Variants in PCDHA5 observed in about 807,000 individuals in gnomAD.
PCDHA5 encodes the protein protocadherin alpha 5.
PCDHA5 carries 43 observed loss-of-function variants against 61.6 expected under a neutral mutation model. The ratio of observed to expected loss-of-function variants is 0.70; its 90% CI spans 0.55 to 0.90. The LOEUF (loss-of-function observed/expected upper bound fraction) is 0.90. Among genes scored for constraint, PCDHA5 ranks in the 40% least tolerant of loss-of-function variants. The pLI is 0.00. For synonymous variants in PCDHA5, 627 were observed against 543.9 expected, an observed-to-expected ratio of 1.15 and a Z score of -2.13; for missense variants, 1,298 against 1,222.7, an observed-to-expected ratio of 1.06 and a Z score of -0.92.
chr5:140,986,545 G>T (rs1554248133), intron 3 of PCDHA5, among the ~76,000 whole-genome samples: 1 of 152,172 alleles, frequency 6.6e-6, no homozygotes, highest in East Asian at 1.9e-4. Context: ...GCTTCAGTGG[G>T]CCAGGCTGCT....
At chr5:140,825,764 T>C (rs1329877906) in intron 1 of PCDHA5, 5 of 152,510 alleles carry the variant, frequency 3.3e-5, no homozygotes, top group African/African-American at 4.8e-5. Flanking sequence ...ATCTCCTCAG[T>C]TGTGCAAATT....
At chr5:140,824,609 A>ATTTTTT (rs1554129932) in intron 1 of PCDHA5, 2 of 76,944 alleles carry the variant, frequency 2.6e-5, no homozygotes, top group Admixed American at 1.4e-4. Context: ...TGCTAATTAA[A>ATTTTTT]GTTTTTTTTT....
At chr5:140,999,454 A>G (rs1467435215) in intron 3 of PCDHA5, among the ~76,000 whole-genome samples, 1 of 152,206 alleles carries the variant, frequency 6.6e-6, no homozygotes, top group African/African-American at 2.4e-5. Context: ...CGTTCAACGA[A>G]TAAGTGGTGA....
In PCDHA5 at chr5:141,009,914, A is replaced by T; in HGVS notation, c.2788A>T (p.Thr930Ser). The change falls in exon 4 of 4, where the codon ACG (threonine) becomes TCG (serine). Residue 930 changes from threonine (T) to serine (S), a missense_variant. Thr to Ser is a moderately conservative substitution (Grantham distance 58). Coordinates refer to ENST00000529859, the MANE Select transcript of PCDHA5 (RefSeq NM_018908.3). ...GGAGAAAAAAGAGAAAGGGAACAGCACGACTGACAACAGTGACCAGTGAGG... is the reference window on the plus strand; with the variant it reads ...GGAGAAAAAAGAGAAAGGGAACAGCTCGACTGACAACAGTGACCAGTGAGG... ...TQEKKEKGNSTTDNSDQ is the reference protein window; with the variant it reads ...TQEKKEKGNSSTDNSDQ The T allele has an allele frequency of 6.2e-7, 1 of 1,611,466 alleles. No homozygotes were observed. The highest frequency in any genetic ancestry group is 8.5e-7 in the Non-Finnish European group (1 of 1,179,328).
rs73793533 is a variant in PCDHA5 at position 140,949,932 on chromosome 5, T to A, written c.2353-29017T>A. On this transcript the variant is annotated intron_variant, in intron 1 of 3. Transcript: ENST00000529859. Reference sequence around the variant, plus strand: ...GATATAACTATTTTTAGATTTTTTTTAATTTGCATTTTTTAGTGGTTGCTG... The same window carrying A: ...GATATAACTATTTTTAGATTTTTTTAAATTTGCATTTTTTAGTGGTTGCTG... Among the ~76,000 whole-genome samples, 1,356 of 151,758 alleles carry A rather than the reference T, an allele frequency of 8.9e-3. 15 individuals carry two copies. The highest frequency in any genetic ancestry group is 0.032 in the African/African-American group (1,309 of 41,514).
At chr5:140,985,020 C>G (rs1361661147) in intron 3 of PCDHA5, among the ~76,000 whole-genome samples, 1 of 152,110 alleles carries the variant, frequency 6.6e-6, no homozygotes, top group Non-Finnish European at 1.5e-5. Flanking sequence ...TCACAGCAAC[C>G]TCTGCCTCCT....
intron 1 of PCDHA5, among the ~76,000 whole-genome samples, chr5:140,840,023 C>T (rs1776518555): frequency 6.6e-6 from 1 of 151,996 alleles, no homozygotes; most frequent in African/African-American, 2.4e-5. Flanking sequence ...CTCATGGTCA[C>T]GTAGCGTATC....
chr5:140,995,180 A>C (rs1014057978), intron 3 of PCDHA5, among the ~76,000 whole-genome samples: 4 of 152,190 alleles, frequency 2.6e-5, no homozygotes, highest in African/African-American at 9.7e-5. Context: ...AGGTGCACCT[A>C]TGATAAAGTT....
intron 1 of PCDHA5, chr5:140,849,034 T>A: frequency 6.3e-7 from 1 of 1,579,556 alleles, no homozygotes; most frequent in Non-Finnish European, 8.6e-7. Context: ...TATTTCTTCC[T>A]GGACGTGCCA....
intron 1 of PCDHA5, among the ~76,000 whole-genome samples, chr5:140,964,119 TAAC>T (rs146855097): frequency 0.014 from 2,059 of 152,320 alleles, 49 homozygotes; most frequent in African/African-American, 0.047. Context: ...AATCACATTC[TAAC>T]AACTAGTAAG....
chr5:141,001,164 A>T (rs2097995699), intron 3 of PCDHA5, among the ~76,000 whole-genome samples: 1 of 152,102 alleles, frequency 6.6e-6, no homozygotes, highest in East Asian at 1.9e-4. Context: ...AATAAGTAAA[A>T]TTTAACGAGT....
intron 1 of PCDHA5, chr5:140,875,985 G>C (rs1351463699): frequency 1.8e-5 from 29 of 1,613,832 alleles, no homozygotes; most frequent in Non-Finnish European, 2.3e-5. Context: ...TGACCTATGC[G>C]TTAAGTCTAA....
chr5:140,892,384 A>T (rs1313796499), intron 1 of PCDHA5, among the ~76,000 whole-genome samples: 1 of 152,162 alleles, frequency 6.6e-6, no homozygotes, highest in Non-Finnish European at 1.5e-5. Flanking sequence ...AATCATGGGT[A>T]ATCTTAATCT....
chr5:140,853,247 C>G (rs985398812), intron 1 of PCDHA5: 3 of 975,930 alleles, frequency 3.1e-6, no homozygotes, highest in African/African-American at 3.5e-5. Context: ...ATATTAATCT[C>G]TATTCTCTCT....
At chr5:141,009,312 A>G (rs1355833857) in intron 3 of PCDHA5, among the ~76,000 whole-genome samples, 1 of 152,160 alleles carries the variant, frequency 6.6e-6, no homozygotes, top group Non-Finnish European at 1.5e-5. Context: ...TTAAAAAGCT[A>G]GCCTGGCATG....
In PCDHA5 at chr5:140,967,673, C is replaced by T. The variant is rs1563368144; in HGVS notation, c.2353-11276C>T. On this transcript the variant is annotated intron_variant, in intron 1 of 3. Transcript: ENST00000529859. ...CTCCTTGAGCAGCTACACGTCGGAC[C>T]GGGAGAGGCAGCTCTTCAGCATAGA... The T allele has an allele frequency of 2.5e-6, 4 of 1,614,130 alleles. No homozygotes were observed. In the East Asian group the frequency reaches 6.7e-5, roughly 27 times the overall value.
chr5:140,988,423 T>G (rs2097297373), intron 3 of PCDHA5, among the ~76,000 whole-genome samples: 2 of 152,176 alleles, frequency 1.3e-5, no homozygotes. Context: ...GTAAAGAATT[T>G]GTTTGTTTTG....
At chr5:140,848,649 C>T in intron 1 of PCDHA5, 3 of 1,593,016 alleles carry the variant, frequency 1.9e-6, no homozygotes, top group Admixed American at 1.7e-5. Context: ...CGCGCAGGAC[C>T]TGGGGCTGGA....
At chr5:140,828,665 A>T in intron 1 of PCDHA5, 1 of 1,614,220 alleles carries the variant, frequency 6.2e-7, no homozygotes, top group East Asian at 2.2e-5. Flanking sequence ...CAATAAACAA[A>T]TTGGGCTCTT....
Sources: allele counts gnomAD v4.1 joint callset (sites outside exome capture counted in the v4.1 genomes callset), GRCh38; gene constraint gnomAD v4.1.1; transcripts MANE v1.5; gene names NCBI Gene and HGNC (gene_info 2026-07-23, HGNC 2026-07-21).